Variants in LRMDA observed in about 807,000 individuals in gnomAD.
LRMDA encodes leucine-rich melanocyte differentiation-associated protein.
In LRMDA, 18 loss-of-function variants were observed where a neutral mutation model predicts 29.8. The ratio of observed to expected loss-of-function variants is 0.60; its 90% CI spans 0.42 to 0.90. LRMDA has a LOEUF of 0.90. Among genes scored for constraint, LRMDA ranks in the 40% least tolerant of loss-of-function variants. The probability of loss-of-function intolerance (pLI) is 0.00; values close to 1 mark genes in which losing one functional copy is unlikely to be tolerated. For missense variants in LRMDA, 273 were observed against 273.9 expected (o/e 1.00, Z 0.02); for synonymous variants, 125 against 109.4 (o/e 1.14, Z -0.89).
At chr10:76,018,660 C>T (rs988039466) in intron 2 of LRMDA, among the ~76,000 whole-genome samples, 2 of 151,414 alleles carry the variant, frequency 1.3e-5, no homozygotes, top group Admixed American at 6.6e-5. Context: ...CCCTGCCTCC[C>T]GGGTTCAAGT....
intron 2 of LRMDA, among the ~76,000 whole-genome samples, chr10:75,801,324 C>T (rs76537398): frequency 0.015 from 2,339 of 152,330 alleles, 34 homozygotes; most frequent in Non-Finnish European, 0.021. Context: ...TCCCTGACAT[C>T]TGGCTTTTCA....
At chr10:75,714,028 G>A (rs1389558984) in intron 2 of LRMDA, among the ~76,000 whole-genome samples, 1 of 152,178 alleles carries the variant, frequency 6.6e-6, no homozygotes, top group African/African-American at 2.4e-5. Flanking sequence ...CCTCCATAAA[G>A]TCTCCCTCCA....
At chr10:75,991,894 A>G (rs1847376436) in intron 2 of LRMDA, among the ~76,000 whole-genome samples, 1 of 152,198 alleles carries the variant, frequency 6.6e-6, no homozygotes, top group Non-Finnish European at 1.5e-5. Context: ...CCCTGACTTA[A>G]CAGAGTACCA....
At chr10:75,649,188 C>A (rs548088838) in intron 2 of LRMDA, among the ~76,000 whole-genome samples, 1 of 152,292 alleles carries the variant, frequency 6.6e-6, no homozygotes, top group South Asian at 2.1e-4. Context: ...CCACTGAGTA[C>A]CTCATATGGG....
chr10:76,262,325 G>A (rs1286378293), intron 5 of LRMDA, among the ~76,000 whole-genome samples: 1 of 152,164 alleles, frequency 6.6e-6, no homozygotes, highest in East Asian at 1.9e-4. Flanking sequence ...GTTCACTCAT[G>A]CTAGCCTCAT....
intron 2 of LRMDA, among the ~76,000 whole-genome samples, chr10:75,607,030 A>C (rs1812624570): frequency 6.6e-6 from 1 of 152,256 alleles, no homozygotes; most frequent in Admixed American, 6.5e-5. Flanking sequence ...AGCCCAAATG[A>C]TATTTTATGG....
At chr10:76,011,653 C>G (rs891157799) in intron 2 of LRMDA, among the ~76,000 whole-genome samples, 1 of 152,176 alleles carries the variant, frequency 6.6e-6, no homozygotes, top group Non-Finnish European at 1.5e-5. Flanking sequence ...AGATTAACGC[C>G]TCCGAGCCTC....
intron 6 of LRMDA, among the ~76,000 whole-genome samples, chr10:76,344,002 A>G (rs979236815): frequency 1.3e-5 from 2 of 151,696 alleles, no homozygotes; most frequent in Non-Finnish European, 1.5e-5. Flanking sequence ...TGGTATTTTT[A>G]GTAGAGATGA....
At chr10:75,501,491 C>T (rs984548752) in intron 2 of LRMDA, among the ~76,000 whole-genome samples, 1 of 152,140 alleles carries the variant, frequency 6.6e-6, no homozygotes, top group Admixed American at 6.5e-5. Flanking sequence ...GCAAGAAAGG[C>T]AGGTGGTGTG....
intron 2 of LRMDA, among the ~76,000 whole-genome samples, chr10:75,932,468 C>T (rs796640815): frequency 3.3e-5 from 5 of 152,196 alleles, no homozygotes; most frequent in African/African-American, 9.6e-5. Flanking sequence ...AATAAATTAT[C>T]TGGGTGTGGT....
chr10:76,451,671 G>T lies in LRMDA; in HGVS notation c.602-105538G>T, dbSNP rs377229852. Among the ~76,000 whole-genome samples, 494 of 148,102 alleles carry T rather than the reference G, an allele frequency of 3.3e-3. 3 individuals carry two copies. Among genetic ancestry groups the T allele is most frequent in the African/African-American group, 0.012 (462 of 40,086 alleles). ...TTTTTTTTTTTTTTTGTGGAGGAGGGTGGTGGACAGAGTTTCAATCTTGTT... is the reference window on the plus strand; with the variant it reads ...TTTTTTTTTTTTTTTGTGGAGGAGGTTGGTGGACAGAGTTTCAATCTTGTT... On this transcript the variant is annotated intron_variant, in intron 6 of 6. Transcript: ENST00000611255.
At chr10:76,253,149 A>T (rs1255192578) in intron 5 of LRMDA, among the ~76,000 whole-genome samples, 1 of 152,144 alleles carries the variant, frequency 6.6e-6, no homozygotes, top group African/African-American at 2.4e-5. Context: ...GAGTTTTCAG[A>T]TCTAAGTGGG....
intron 5 of LRMDA, among the ~76,000 whole-genome samples, chr10:76,090,132 C>T (rs920260034): frequency 6.6e-6 from 1 of 152,104 alleles, no homozygotes; most frequent in Non-Finnish European, 1.5e-5. Context: ...TGTTAAGCAC[C>T]TCCTGTATAT....
intron 5 of LRMDA, among the ~76,000 whole-genome samples, chr10:76,119,411 CT>C (rs1849734642): frequency 6.6e-6 from 1 of 151,984 alleles, no homozygotes; most frequent in Non-Finnish European, 1.5e-5. Flanking sequence ...GACTAGAAAT[CT>C]CTCCCTGAAA....
intron 2 of LRMDA, among the ~76,000 whole-genome samples, chr10:76,025,850 A>G (rs1848054258): frequency 6.6e-6 from 1 of 152,232 alleles, no homozygotes; most frequent in Admixed American, 6.5e-5. Flanking sequence ...ACCCTGCATT[A>G]TCTGGTAACT....
At chr10:76,543,908 C>G (rs988803913) in intron 6 of LRMDA, among the ~76,000 whole-genome samples, 1 of 152,072 alleles carries the variant, frequency 6.6e-6, no homozygotes, top group Non-Finnish European at 1.5e-5. Context: ...GTCCTGAGCC[C>G]CCCCCAGGAG....
chr10:75,637,944 C>T (rs1457597307), intron 2 of LRMDA, among the ~76,000 whole-genome samples: 8 of 152,240 alleles, frequency 5.3e-5, no homozygotes. Context: ...CCCCTAAACA[C>T]CAGCAGCACT....
At chr10:75,859,330 G>A (rs4562754) in intron 2 of LRMDA, among the ~76,000 whole-genome samples, 56,877 of 151,902 alleles carry the variant, frequency 0.37, 12,353 homozygotes, top group South Asian at 0.52. Context: ...CACCCCTCCC[G>A]GTGATTTATG....
chr10:76,276,045 CTATCTATCTCTT>C (rs1167191547), intron 5 of LRMDA, among the ~76,000 whole-genome samples: 81 of 148,026 alleles, frequency 5.5e-4, no homozygotes, highest in African/African-American at 1.9e-3. Flanking sequence ...ATCTATCTAT[CTATCTATCTCTT>C]TCTTTCTCTC....
Sources: allele counts gnomAD v4.1 joint callset (sites outside exome capture counted in the v4.1 genomes callset), GRCh38; gene constraint gnomAD v4.1.1; transcripts MANE v1.5; gene names NCBI Gene and HGNC (gene_info 2026-07-23, HGNC 2026-07-21).